The following FNBP1 variants were observed in gnomAD, a reference collection of about 807,000 sequenced individuals.
The protein encoded by FNBP1 is formin binding protein 1, also known as formin-binding protein 1.
FNBP1 carries 26 observed loss-of-function variants against 90.6 expected under a neutral mutation model. That is an observed-to-expected ratio of 0.29 (90% CI 0.21 to 0.40). FNBP1 has a LOEUF of 0.40. Ranked by LOEUF, FNBP1 falls within the 10% of genes least tolerant of loss-of-function variation. The pLI, the probability that FNBP1 is intolerant of heterozygous loss-of-function variation, is 1.00. For missense variants in FNBP1, 635 were observed against 768.0 expected (o/e 0.83, Z 2.05); for synonymous variants, 260 against 265.2 (o/e 0.98, Z 0.19).
intron 4 of FNBP1, among the ~76,000 whole-genome samples, chr9:129,974,851 C>T (rs1474159352): frequency 2.7e-5 from 4 of 148,024 alleles, no homozygotes; most frequent in Non-Finnish European, 6.0e-5. Flanking sequence ...CAGAATGAGA[C>T]CCTGAAGAAA....
At chr9:129,945,635 G>A (rs375363242) in intron 6 of FNBP1, among the ~76,000 whole-genome samples, 11 of 152,252 alleles carry the variant, frequency 7.2e-5, no homozygotes, top group East Asian at 3.9e-4. Flanking sequence ...ACTCTGCTAC[G>A]CAGCTGGCTT....
At chr9:129,922,564 T>C (rs977677816) in intron 10 of FNBP1, among the ~76,000 whole-genome samples, 2 of 152,142 alleles carry the variant, frequency 1.3e-5, no homozygotes, top group African/African-American at 2.4e-5. Context: ...AAAAAGTAAA[T>C]GAGCACACAG....
chr9:130,040,552 C>T (rs1457892237), intron 1 of FNBP1, among the ~76,000 whole-genome samples: 1 of 148,614 alleles, frequency 6.7e-6, no homozygotes. Context: ...ACCTGGGAGG[C>T]AGAGGCTGCA....
At chr9:129,917,771 A>G (rs1554778289) in intron 10 of FNBP1, among the ~76,000 whole-genome samples, 6 of 152,220 alleles carry the variant, frequency 3.9e-5, no homozygotes, top group Non-Finnish European at 8.8e-5. Context: ...AAACTTTTGC[A>G]GGGGGAAAAT....
At chr9:130,036,238 G>T (rs2059300322) in intron 1 of FNBP1, among the ~76,000 whole-genome samples, 1 of 152,070 alleles carries the variant, frequency 6.6e-6, no homozygotes, top group South Asian at 2.1e-4. Flanking sequence ...TTTTAAATGT[G>T]GGTGGTGTTG....
intron 2 of FNBP1, among the ~76,000 whole-genome samples, chr9:129,984,175 C>A (rs2051759652): frequency 6.6e-6 from 1 of 151,368 alleles, no homozygotes; most frequent in Admixed American, 6.6e-5. Context: ...ATTTCTGGAT[C>A]AAGATGGCAG....
chr9:129,986,500 T>C (rs571052889), intron 2 of FNBP1, among the ~76,000 whole-genome samples: 15 of 151,812 alleles, frequency 9.9e-5, no homozygotes, highest in African/African-American at 3.4e-4. Flanking sequence ...AAAAAAAGGA[T>C]CTAAAGATAG....
At chr9:130,052,713 C>G in the FNBP1 span, among the ~76,000 whole-genome samples, 18 of 151,826 alleles carry the variant, frequency 1.2e-4, no homozygotes, top group Admixed American at 7.2e-4. Flanking sequence ...GGGATTCAGG[C>G]GCGAATCACC....
In FNBP1 at chr9:129,900,120, C is replaced by T; in HGVS notation, c.1551-19G>A. On this transcript the variant is annotated intron_variant, in intron 14 of 16. Coordinates refer to ENST00000446176, the MANE Select transcript of FNBP1 (RefSeq NM_015033.3). This position sits in a 1 kb window ranked among gnomAD's most constrained non-coding sequence, Gnocchi z 4.1. ...ATCTGGGCTGCTCAAGAAAGGAAAA[C>T]ACAAAGCAACTAAAGCGACTGACCC... is the stretch of plus-strand genomic sequence containing the variant. 6.3e-7 allele frequency: 1 copy of T among 1,587,676 alleles called. No individual in the cohort carries two copies. The highest frequency in any genetic ancestry group is 8.6e-7 in the Non-Finnish European group (1 of 1,167,368).
Position 130,006,960 on chromosome 9 carries a change from G to A in FNBP1, c.25-12002C>T, listed in dbSNP as rs1014110641. On this transcript the variant is annotated intron_variant, in intron 1 of 16. Transcript: ENST00000446176. ...GATATAAAGAATGTGGAGGCCGGGT[G>A]CGGCGGCTCATGCCTATAATCCCAG... Among the ~76,000 whole-genome samples, 8 of 151,988 alleles carry A rather than the reference G, an allele frequency of 5.3e-5. No homozygotes were observed. In the South Asian group the frequency reaches 6.2e-4, roughly 12 times the overall value.
intron 1 of FNBP1, among the ~76,000 whole-genome samples, chr9:130,003,981 G>T (rs2055276135): frequency 1.3e-5 from 2 of 150,150 alleles, no homozygotes; most frequent in South Asian, 4.2e-4. Flanking sequence ...CAGAAGAGTT[G>T]TCACAGGAAC....
At chr9:129,970,175 G>A (rs1032507184) in intron 4 of FNBP1, among the ~76,000 whole-genome samples, 4 of 151,374 alleles carry the variant, frequency 2.6e-5, no homozygotes, top group Admixed American at 6.6e-5. Context: ...AAAGTGCTAG[G>A]ATTACAGGCG....
Position 129,895,956 on chromosome 9 carries a change from T to C in FNBP1, c.1728A>G (p.Thr576=). 1 of 1,611,488 alleles carries C rather than the reference T, an allele frequency of 6.2e-7. No homozygotes were observed. The highest frequency in any genetic ancestry group is 1.3e-5 in the African/African-American group (1 of 74,878). ...CTTTGTCTTCCTCTATGACATACAA[T>C]GTTTCTCCTTCAACTACGGAAATCG... ...EGTISVVEGE[T]LYVIEEDKGD... The change falls in exon 16 of 17, where the codon ACA becomes ACG. Residue 576 remains threonine (T), a synonymous_variant. Transcript: ENST00000446176.
intron 6 of FNBP1, among the ~76,000 whole-genome samples, chr9:129,945,878 T>C (rs572990917): frequency 3.3e-5 from 5 of 152,138 alleles, no homozygotes; most frequent in Non-Finnish European, 7.3e-5. Flanking sequence ...ACATTAAAAA[T>C]TACATGTGGC....
At chr9:130,046,957 T>C (rs1049671373), upstream of FNBP1, among the ~76,000 whole-genome samples, 2 of 152,118 alleles carry the variant, frequency 1.3e-5, no homozygotes, top group African/African-American at 4.8e-5. Context: ...ACTTGAGATT[T>C]CTGATTTATA....
At chr9:129,926,012 C>T (rs1486825869) in intron 8 of FNBP1, among the ~76,000 whole-genome samples, 1 of 152,026 alleles carries the variant, frequency 6.6e-6, no homozygotes, top group Non-Finnish European at 1.5e-5. Flanking sequence ...CGCTCTGTCA[C>T]TCAGACTGGA....
At chr9:130,052,751 G>A in the FNBP1 span, among the ~76,000 whole-genome samples, 1 of 151,634 alleles carries the variant, frequency 6.6e-6, no homozygotes, top group African/African-American at 2.4e-5. Flanking sequence ...TTCGTTTTTA[G>A]TACAGTATTA....
the FNBP1 span, among the ~76,000 whole-genome samples, chr9:130,051,630 C>A: frequency 6.6e-6 from 1 of 152,144 alleles, no homozygotes; most frequent in East Asian, 1.9e-4. Flanking sequence ...GCCTGGCCAA[C>A]ATGGTGAAAC....
In FNBP1 at chr9:129,981,758, T is replaced by C. The variant is rs144338368; in HGVS notation, c.141-2384A>G. On this transcript the variant is annotated intron_variant, in intron 2 of 16. Coordinates refer to ENST00000446176, the MANE Select transcript of FNBP1 (RefSeq NM_015033.3). ...TTCCTAATGTGTACGTCAGCAGGGG[T>C]TGGACGACATGACCTCCATTGTCCT... 3.3e-5 allele frequency among the ~76,000 whole-genome samples: 5 copies of C among 152,158 alleles called. No individual in the cohort carries two copies. The East Asian group carries it at 9.7e-4, about 29-fold the overall frequency.
Sources: allele counts gnomAD v4.1 joint callset (sites outside exome capture counted in the v4.1 genomes callset), GRCh38; gene constraint gnomAD v4.1.1; non-coding constraint Gnocchi (gnomAD v3.1); transcripts MANE v1.5; gene names NCBI Gene and HGNC (gene_info 2026-07-23, HGNC 2026-07-21).